ZHX2: variants seen among roughly 807,000 people sequenced by gnomAD.
The protein encoded by ZHX2 is zinc fingers and homeoboxes 2, also known as zinc fingers and homeoboxes protein 2.
Under a neutral mutation model 21.9 loss-of-function variants are expected in ZHX2, and 6 were observed. The ratio of observed to expected loss-of-function variants is 0.27; its 90% CI spans 0.15 to 0.54. The LOEUF (loss-of-function observed/expected upper bound fraction) is 0.54, where lower values mean the gene tolerates loss of function less well. ZHX2 is among the 20% of genes least tolerant of loss of function. The probability of loss-of-function intolerance (pLI) is 0.95; values close to 1 mark genes in which losing one functional copy is unlikely to be tolerated. For missense variants in ZHX2, 908 were observed against 1,090.7 expected, an observed-to-expected ratio of 0.83 and a Z score of 2.36; for synonymous variants, 434 against 437.1, an observed-to-expected ratio of 0.99 and a Z score of 0.09.
intron 1 of ZHX2, among the ~76,000 whole-genome samples, chr8:122,794,920 A>G (rs1586574771): frequency 6.6e-6 from 1 of 152,194 alleles, no homozygotes; most frequent in Non-Finnish European, 1.5e-5. Flanking sequence ...CTAACAGGCC[A>G]GTGTACCATG....
At chr8:122,885,708 CT>C (rs2129820374) in intron 2 of ZHX2, among the ~76,000 whole-genome samples, 1 of 152,250 alleles carries the variant, frequency 6.6e-6, no homozygotes, top group South Asian at 2.1e-4. Context: ...ACTAAGCCTT[CT>C]ACACCACACA....
At chr8:122,783,440 C>G (rs975685101) in intron 1 of ZHX2, among the ~76,000 whole-genome samples, 5 of 152,068 alleles carry the variant, frequency 3.3e-5, no homozygotes, top group African/African-American at 1.2e-4. Flanking sequence ...GATTCCTTCC[C>G]CCAGCACTTC....
chr8:122,913,623 A>G (rs1335777914), intron 2 of ZHX2, among the ~76,000 whole-genome samples: 1 of 152,186 alleles, frequency 6.6e-6, no homozygotes. Flanking sequence ...CATGACAGGG[A>G]CAGGCAAAGA....
Position 122,949,420 on chromosome 8 carries a change from A to G in ZHX2, c.-219-1872A>G, listed in dbSNP as rs190852643. Among the ~76,000 whole-genome samples, 28 of 152,372 alleles carry G rather than the reference A, an allele frequency of 1.8e-4. No homozygotes were observed. In the East Asian group the frequency reaches 4.8e-3, roughly 26 times the overall value. On this transcript the variant is annotated intron_variant, in intron 2 of 3. Transcript: ENST00000314393. ...ATGTAAAGAGAATTCTTGCAAATTC[A>G]TAATAAAAACCACTGAATGTCTAAA...
At position 122,953,191 on chromosome 8, in the gene ZHX2, C is replaced by T. The variant is rs750990904; in HGVS notation, c.1681C>T (p.Arg561Trp). ...SSFPTQAELD[R>W]LRVETKLSRR... is the part of the protein sequence containing the mutation. ...TTTTCCTACCCAAGCAGAACTGGAT[C>T]GGCTAAGGGTGGAGACCAAGCTGAG... Residue 561 changes from arginine (R) to tryptophan (W), a missense_variant, in exon 3 of 4, where the codon CGG (arginine) becomes TGG (tryptophan). By Grantham distance (101) the Arg-to-Trp change is moderately radical (BLOSUM62 -3). This residue lies in a region of ZHX2 where 431 missense variants were observed against 428.6 expected (regional missense o/e 1.01). Coordinates refer to ENST00000314393, the MANE Select transcript of ZHX2 (RefSeq NM_014943.5). The surrounding 1 kb of genome is among the most constrained non-coding windows in gnomAD (Gnocchi z 4.6). 1.6e-5 allele frequency: 26 copies of T among 1,613,766 alleles called. No individual in the cohort carries two copies. In the East Asian group the frequency reaches 4.7e-4, roughly 29 times the overall value.
chr8:122,940,545 G>T lies in ZHX2; in HGVS notation c.-219-10747G>T, dbSNP rs1173118879. 3.3e-5 allele frequency among the ~76,000 whole-genome samples: 5 copies of T among 152,150 alleles called. No individual in the cohort carries two copies. The East Asian group carries it at 9.6e-4, about 29-fold the overall frequency. On this transcript the variant is annotated intron_variant, in intron 2 of 3. Transcript: ENST00000314393. ...CTCACACAGCAGGCGGCGTGAAGCA[G>T]CCACAGACCTCACTTCAAACTTCCA...
intron 1 of ZHX2, among the ~76,000 whole-genome samples, chr8:122,861,478 A>G (rs967665981): frequency 1.3e-5 from 2 of 152,188 alleles, no homozygotes; most frequent in Admixed American, 6.5e-5. Flanking sequence ...AGTACTGGTC[A>G]TGCACCCTGC....
At chr8:122,950,154 A>G (rs889619344) in intron 2 of ZHX2, among the ~76,000 whole-genome samples, 3 of 152,202 alleles carry the variant, frequency 2.0e-5, no homozygotes, top group Admixed American at 2.0e-4. Flanking sequence ...AAAGGTAGTT[A>G]TCAAAAATAA....
chr8:122,921,215 G>A (rs1820730255), intron 2 of ZHX2, among the ~76,000 whole-genome samples: 2 of 152,166 alleles, frequency 1.3e-5, no homozygotes, highest in South Asian at 4.1e-4. Flanking sequence ...CTGAGTAGAT[G>A]AGATTACAGG....
chr8:122,879,413 G>T (rs532624499), intron 2 of ZHX2, among the ~76,000 whole-genome samples: 3 of 151,884 alleles, frequency 2.0e-5, no homozygotes, highest in Non-Finnish European at 4.4e-5. Flanking sequence ...CACCATGTTG[G>T]CCAGGATGGT....
At chr8:122,843,665 G>A (rs1196433386) in intron 1 of ZHX2, among the ~76,000 whole-genome samples, 1 of 152,214 alleles carries the variant, frequency 6.6e-6, no homozygotes, top group Non-Finnish European at 1.5e-5. Flanking sequence ...TTCTGCCTCG[G>A]TTCTGGGCTG....
chr8:122,893,532 G>T (rs919806472), intron 2 of ZHX2, among the ~76,000 whole-genome samples: 1 of 151,450 alleles, frequency 6.6e-6, no homozygotes, highest in African/African-American at 2.4e-5. Flanking sequence ...TTAAAAAAAC[G>T]AAAAGTTTGA....
At chr8:122,932,035 CCTAA>C (rs1489702216) in intron 2 of ZHX2, among the ~76,000 whole-genome samples, 2 of 152,154 alleles carry the variant, frequency 1.3e-5, no homozygotes, top group Admixed American at 1.3e-4. Flanking sequence ...CAGTCATCAT[CCTAA>C]CTGTGGCAAT....
intron 3 of ZHX2, among the ~76,000 whole-genome samples, chr8:122,971,339 A>G (rs1216300747): frequency 6.7e-6 from 1 of 148,404 alleles, no homozygotes; most frequent in South Asian, 2.1e-4. Context: ...AACATCACCT[A>G]TAAGGATCCC....
At chr8:122,929,675 C>T (rs1431184331) in intron 2 of ZHX2, among the ~76,000 whole-genome samples, 1 of 151,744 alleles carries the variant, frequency 6.6e-6, no homozygotes, top group Non-Finnish European at 1.5e-5. Context: ...TTGGGAATTC[C>T]CCTGGAAAAG....
intron 1 of ZHX2, among the ~76,000 whole-genome samples, chr8:122,804,984 C>T (rs1337970522): frequency 6.6e-6 from 1 of 152,222 alleles, no homozygotes; most frequent in African/African-American, 2.4e-5. Flanking sequence ...CAGCTGTAGA[C>T]TCAGTGTGTG....
intron 2 of ZHX2, among the ~76,000 whole-genome samples, chr8:122,925,125 G>C (rs76375919): frequency 1.9e-3 from 284 of 152,338 alleles, no homozygotes; most frequent in African/African-American, 6.6e-3. Flanking sequence ...CTCAGCATTT[G>C]AGATTTGTAT....
At chr8:122,854,816 A>G (rs1022123785) in intron 1 of ZHX2, among the ~76,000 whole-genome samples, 1 of 151,880 alleles carries the variant, frequency 6.6e-6, no homozygotes, top group African/African-American at 2.4e-5. Context: ...AAGCCCTCCC[A>G]CCCATGACAC....
intron 2 of ZHX2, among the ~76,000 whole-genome samples, chr8:122,886,978 G>A (rs1223690739): frequency 6.6e-6 from 1 of 151,522 alleles, no homozygotes; most frequent in Non-Finnish European, 1.5e-5. Flanking sequence ...GGGTCACAGA[G>A]CATCAGAGGC....
Sources: allele counts gnomAD v4.1 joint callset (sites outside exome capture counted in the v4.1 genomes callset), GRCh38; gene constraint gnomAD v4.1.1; regional missense constraint gnomAD v4.1.1; non-coding constraint Gnocchi (gnomAD v3.1); transcripts MANE v1.5; gene names NCBI Gene and HGNC (gene_info 2026-07-23, HGNC 2026-07-21).